The following DLGAP1 variants were observed in gnomAD, a reference collection of about 807,000 sequenced individuals.
DLGAP1 encodes DLG associated protein 1.
Under a neutral mutation model 90.8 loss-of-function variants are expected in DLGAP1, and 11 were observed. The ratio of observed to expected loss-of-function variants is 0.12; its 90% CI spans 0.08 to 0.20. The LOEUF (loss-of-function observed/expected upper bound fraction) is 0.20, where lower values mean the gene tolerates loss of function less well. Ranked by LOEUF, DLGAP1 falls within the 10% of genes least tolerant of loss-of-function variation. DLGAP1 has a pLI of 1.00. For missense variants in DLGAP1, 1,050 were observed against 1,333.8 expected, an observed-to-expected ratio of 0.79 and a Z score of 3.31; for synonymous variants, 558 against 540.7, an observed-to-expected ratio of 1.03 and a Z score of -0.44.
In DLGAP1 at chr18:3,986,861, T is replaced by G. The variant is rs537139965; in HGVS notation, c.-73+18255A>C. On this transcript the variant is annotated intron_variant, in intron 3 of 12. Coordinates refer to ENST00000315677, the MANE Select transcript of DLGAP1 (RefSeq NM_004746.4). ...ACTTTTATACCAGTTGGTAATTACC[T>G]ATTGTCCTGAGCTCCCCGGATACTG... Among the ~76,000 whole-genome samples, 8 of 152,296 alleles carry G rather than the reference T, an allele frequency of 5.3e-5. No homozygotes were observed. In the East Asian group the frequency reaches 1.5e-3, roughly 29 times the overall value.
At chr18:3,848,622 T>C (rs1017822518) in intron 4 of DLGAP1, among the ~76,000 whole-genome samples, 1 of 152,168 alleles carries the variant, frequency 6.6e-6, no homozygotes. Flanking sequence ...TAGAGTTCTG[T>C]ACTTCAGTGA....
chr18:3,974,778 A>T (rs2073534744), intron 3 of DLGAP1, among the ~76,000 whole-genome samples: 1 of 152,206 alleles, frequency 6.6e-6, no homozygotes. Context: ...GATGAGTAGT[A>T]TTTTACAATT....
At chr18:3,868,110 C>T (rs879503901) in intron 4 of DLGAP1, among the ~76,000 whole-genome samples, 14 of 152,054 alleles carry the variant, frequency 9.2e-5, no homozygotes, top group Non-Finnish European at 1.8e-4. Context: ...TATTTATAGG[C>T]GTTTTTGACT....
intron 3 of DLGAP1, among the ~76,000 whole-genome samples, chr18:3,908,532 C>T (rs2148891847): frequency 6.6e-6 from 1 of 152,216 alleles, no homozygotes. Flanking sequence ...AGAATGTTCT[C>T]TTGATGATTC....
chr18:3,880,259 C>G (rs1401910228), intron 3 of DLGAP1, 119 bp from the exon 4 acceptor site: 2 of 614,016 alleles, frequency 3.3e-6, no homozygotes, highest in Admixed American at 5.8e-5. Context: ...TCTCTGCTTC[C>G]TGCAGCCTCC....
chr18:3,554,334 C>T (rs556809115), intron 9 of DLGAP1, among the ~76,000 whole-genome samples: 1 of 152,250 alleles, frequency 6.6e-6, no homozygotes. Flanking sequence ...CTATGTGTGT[C>T]CTATAGAGCG....
At chr18:3,839,562 T>C (rs1463538658) in intron 4 of DLGAP1, among the ~76,000 whole-genome samples, 1 of 152,146 alleles carries the variant, frequency 6.6e-6, no homozygotes, top group Non-Finnish European at 1.5e-5. Context: ...CATGAGCACA[T>C]AAACAGGCAC....
chr18:3,925,841 C>A (rs1402953250), intron 3 of DLGAP1, among the ~76,000 whole-genome samples: 2 of 152,108 alleles, frequency 1.3e-5, no homozygotes, highest in Admixed American at 6.5e-5. Flanking sequence ...CCAAAGAAAG[C>A]CAGAAAGAAG....
At chr18:3,807,223 T>C (rs2066607916) in intron 5 of DLGAP1, among the ~76,000 whole-genome samples, 1 of 152,212 alleles carries the variant, frequency 6.6e-6, no homozygotes. Context: ...ACAATCTGTT[T>C]TGAATGTCTG....
intron 3 of DLGAP1, among the ~76,000 whole-genome samples, chr18:3,906,870 A>G (rs941723653): frequency 6.6e-6 from 1 of 152,244 alleles, no homozygotes; most frequent in Non-Finnish European, 1.5e-5. Flanking sequence ...CAATCAATAG[A>G]TTCCTTTAAA....
intron 3 of DLGAP1, among the ~76,000 whole-genome samples, chr18:3,938,912 A>G (rs2148943853): frequency 6.6e-6 from 1 of 152,300 alleles, no homozygotes; most frequent in African/African-American, 2.4e-5. Context: ...ATTGGGCTTG[A>G]ACTAGAAAAG....
chr18:3,579,235 A>C (rs1294101260), intron 8 of DLGAP1, among the ~76,000 whole-genome samples: 1 of 152,080 alleles, frequency 6.6e-6, no homozygotes, highest in Non-Finnish European at 1.5e-5. Context: ...TTTGAGATGG[A>C]ATTTTGCTCT....
intron 7 of DLGAP1, among the ~76,000 whole-genome samples, chr18:3,708,189 G>T (rs1675245): frequency 0.35 from 52,737 of 151,652 alleles, 12,444 homozygotes; most frequent in African/African-American, 0.67. Flanking sequence ...TACTTTTCAG[G>T]AGAGACGGGA....
chr18:4,145,372 T>TC (rs775408952), intron 2 of DLGAP1, among the ~76,000 whole-genome samples: 2 of 152,196 alleles, frequency 1.3e-5, no homozygotes, highest in Non-Finnish European at 2.9e-5. Context: ...ATAGTAAGAT[T>TC]TATCTCAGAA....
intron 5 of DLGAP1, among the ~76,000 whole-genome samples, chr18:3,787,480 C>CAAAAAA (rs1189558362): frequency 6.3e-5 from 4 of 63,804 alleles, no homozygotes; most frequent in African/African-American, 2.5e-4. Flanking sequence ...AACTCCATCT[C>CAAAAAA]AAAAAAAAAA....
intron 8 of DLGAP1, among the ~76,000 whole-genome samples, chr18:3,575,493 G>GT (rs750359329): frequency 6.6e-6 from 1 of 152,170 alleles, no homozygotes; most frequent in Non-Finnish European, 1.5e-5. Context: ...CTCATCTGTA[G>GT]TCAGAATTAC....
intron 4 of DLGAP1, among the ~76,000 whole-genome samples, chr18:3,843,066 G>A (rs2068809350): frequency 6.6e-6 from 1 of 152,166 alleles, no homozygotes. Flanking sequence ...TACTGATGCT[G>A]CTGCCTCAGT....
At chr18:3,804,061 T>G (rs2066452177) in intron 5 of DLGAP1, among the ~76,000 whole-genome samples, 1 of 149,962 alleles carries the variant, frequency 6.7e-6, no homozygotes, top group Admixed American at 6.7e-5. Flanking sequence ...TGGCAAGATC[T>G]TGGTTCACTG....
intron 2 of DLGAP1, among the ~76,000 whole-genome samples, chr18:4,095,672 G>GA (rs2075665295): frequency 6.6e-6 from 1 of 151,998 alleles, no homozygotes; most frequent in South Asian, 2.1e-4. Flanking sequence ...GCTGCATCAT[G>GA]ATGGTGACAG....
Sources: gnomAD v4.1 joint callset for allele counts (sites outside exome capture counted in the v4.1 genomes callset) on GRCh38, gnomAD v4.1.1 for gene constraint, MANE v1.5 for transcripts, NCBI Gene and HGNC (gene_info 2026-07-23, HGNC 2026-07-21) for gene names.